The following TRMT5 variants were observed in gnomAD, a reference collection of about 807,000 sequenced individuals.
TRMT5 encodes the protein tRNA methyltransferase 5.
A neutral mutation model predicts 42.2 loss-of-function variants in TRMT5; 31 were observed. The observed-to-expected ratio is 0.73, with a 90% confidence interval of 0.55 to 0.99. The LOEUF (loss-of-function observed/expected upper bound fraction) is 0.99. TRMT5 is among the 50% of genes least tolerant of loss of function. TRMT5 has a pLI of 0.00. For missense variants in TRMT5, 568 were observed against 595.0 expected, an observed-to-expected ratio of 0.95 and a Z score of 0.47; for synonymous variants, 198 against 209.6, an observed-to-expected ratio of 0.94 and a Z score of 0.48.
Position 60,975,984 on chromosome 14 carries a change from A to G in TRMT5, c.935T>C (p.Phe312Ser). Residue 312 changes from phenylalanine to serine, a missense_variant, in exon 4 of 5, where the codon TTT becomes TCT. Coordinates refer to ENST00000261249, the MANE Select transcript of TRMT5 (RefSeq NM_020810.3). Reference protein sequence around the residue: ...LFDVFAGVGPFAIPVAKKNCT... With the variant: ...LFDVFAGVGPSAIPVAKKNCT... ...GTTTTTCTTTGCTACTGGAATGGCA[A>G]AGGGCCCAACCCCAGCAAAAACATC... The G allele has an allele frequency of 6.2e-7, 1 of 1,614,234 alleles. No homozygotes were observed. Among genetic ancestry groups the G allele is most frequent in the Non-Finnish European group, 8.5e-7 (1 of 1,180,036 alleles).
At position 60,977,644 on chromosome 14, in the gene TRMT5, AG is replaced by A. The variant is rs746703362; in HGVS notation, c.668-7del. The A allele has an allele frequency of 1.8e-5, 28 of 1,589,630 alleles. No homozygotes were observed. The highest frequency in any genetic ancestry group is 6.8e-5 in the African/African-American group (5 of 73,536). On this transcript the variant is annotated splice_region_variant and splice_polypyrimidine_tract_variant and intron_variant, in intron 2 of 4. Transcript: ENST00000261249. ...TTTGTCAATCATAACCTGGCCTAAA[AG>A]AAAAAATGAAAATCCATAATACTGC...
chr14:60,979,914 C>T (rs373049849), intron 1 of TRMT5, 28 bp from the exon 2 acceptor site: 682 of 1,421,596 alleles, frequency 4.8e-4, no homozygotes, highest in Non-Finnish European at 5.9e-4. Context: ...AAAATTCACA[C>T]ACGACAGCTT....
At position 60,979,438 on chromosome 14, in the gene TRMT5, C is replaced by T; in HGVS notation, c.460G>A (p.Ala154Thr). ...KIFTHDSFEKAELSVLEQLNV... is the reference protein window; with the variant it reads ...KIFTHDSFEKTELSVLEQLNV... Reference sequence around the variant, plus strand: ...AGCTGCTCTAAAACACTGAGTTCTGCTTTCTCAAAGGAATCATGAGTAAAT... The same window carrying T: ...AGCTGCTCTAAAACACTGAGTTCTGTTTTCTCAAAGGAATCATGAGTAAAT... The change falls in exon 2 of 5, where the codon GCA becomes ACA. Residue 154 changes from alanine (A) to threonine (T), a missense_variant. Transcript: ENST00000261249. 2.5e-6 allele frequency: 4 copies of T among 1,614,150 alleles called. No individual in the cohort carries two copies. The highest frequency in any genetic ancestry group is 3.4e-6 in the Non-Finnish European group (4 of 1,180,024).
rs369185885 is a variant in TRMT5, at chr14:60,977,525, T to C, written c.781A>G (p.Met261Val). The change falls in exon 3 of 5, where the codon ATG becomes GTG. Residue 261 changes from methionine (M) to valine (V), a missense_variant. Transcript: ENST00000261249. ...QMEVLSGEQN[M>V]MTKVRENNYT... ...ATAATAAAATATACCTTTGTCATCATGTTCTGCTCTCCAGATAGCACTTCC... is the reference window on the plus strand; with the variant it reads ...ATAATAAAATATACCTTTGTCATCACGTTCTGCTCTCCAGATAGCACTTCC... 6.3e-5 allele frequency: 101 copies of C among 1,607,728 alleles called. No homozygotes were observed. Among genetic ancestry groups the C allele is most frequent in the African/African-American group, 2.8e-4 (21 of 74,660 alleles).
At chr14:60,977,031 T>C (rs1323431741) in intron 3 of TRMT5, among the ~76,000 whole-genome samples, 1 of 152,120 alleles carries the variant, frequency 6.6e-6, no homozygotes, top group Non-Finnish European at 1.5e-5. Context: ...CCAATTTGTA[T>C]GTATATTTTT....
intron 3 of TRMT5, among the ~76,000 whole-genome samples, chr14:60,976,691 AT>A (rs1056335682): frequency 1.3e-5 from 2 of 152,152 alleles, no homozygotes; most frequent in Non-Finnish European, 2.9e-5. Flanking sequence ...AACTTTGCAA[AT>A]TTGATGTCTA....
At chr14:60,977,463 ACT>A (rs1387568949) in intron 3 of TRMT5, 49 bp downstream of exon 3, 1 of 1,538,458 alleles carries the variant, frequency 6.5e-7, no homozygotes, top group East Asian at 2.3e-5. Context: ...ATCTATTCTG[ACT>A]CTAAACATAA....
In TRMT5 at chr14:60,979,219, T is replaced by A. The variant is rs770484096; in HGVS notation, c.667+12A>T. Reference sequence around the variant, plus strand: ...CCCTTCAAATACATGAATATTACTATGACACACGTACCAATTAAATGTTTG... The same window carrying A: ...CCCTTCAAATACATGAATATTACTAAGACACACGTACCAATTAAATGTTTG... On this transcript the variant is annotated intron_variant, in intron 2 of 4. Transcript: ENST00000261249. 3.2e-6 allele frequency: 5 copies of A among 1,564,972 alleles called. No homozygotes were observed. The East Asian group carries it at 1.1e-4, about 35-fold the overall frequency.
chr14:60,977,378 C>T lies in TRMT5; in HGVS notation c.792+136G>A, dbSNP rs1211312209. ...AAAGGCTTTATCAGTGTTATTCCAT[C>T]AATAGCATACATAAGTGATCACATT... is the stretch of plus-strand genomic sequence containing the variant. On this transcript the variant is annotated intron_variant, in intron 3 of 4. Coordinates refer to ENST00000261249, the MANE Select transcript of TRMT5 (RefSeq NM_020810.3). The T allele has an allele frequency of 1.1e-5, 8 of 754,902 alleles. No homozygotes were observed. In the East Asian group the frequency reaches 2.4e-4, roughly 22 times the overall value. 46.8% of individuals were successfully genotyped at this position (754,902 alleles called of 1,614,324 possible). A position where few individuals can be genotyped will look rare whatever the true frequency, so the allele number is the denominator to read the frequency against.
rs202197070 is a variant in TRMT5, at chr14:60,979,781, T to C, written c.117A>G (p.Thr39=). The change falls in exon 2 of 5, where the codon ACA becomes ACG. Residue 39 remains threonine, a synonymous_variant. Coordinates refer to ENST00000261249, the MANE Select transcript of TRMT5 (RefSeq NM_020810.3). ...TACCAGGTGCTTCCAAAAGCATCTG[T>C]GTCAGGGATGTCCAAGCTACTGGAA... ...SLIPVAWTSL[T]QMLLEAPGIF... 3 of 1,613,914 alleles carry C rather than the reference T, an allele frequency of 1.9e-6. No homozygotes were observed. In the South Asian group the frequency reaches 3.3e-5, roughly 18 times the overall value.
At chr14:60,981,151 G>A, upstream of TRMT5, 1 of 1,542,230 alleles carries the variant, frequency 6.5e-7, no homozygotes, top group Non-Finnish European at 8.8e-7. Flanking sequence ...CTCCTTCCAG[G>A]CCCTGGTGAA....
At position 60,972,531 on chromosome 14, in the gene TRMT5, T is replaced by C; in HGVS notation, c.*2578A>G. 2.3e-6 allele frequency: 1 copy of C among 441,610 alleles called. No individual in the cohort carries two copies. Among genetic ancestry groups the C allele is most frequent in the Non-Finnish European group, 4.5e-6 (1 of 223,442 alleles). 27.4% of individuals were successfully genotyped at this position (441,610 alleles called of 1,614,324 possible). On this transcript the variant is annotated 3_prime_UTR_variant, in exon 5 of 5. Coordinates refer to ENST00000261249, the MANE Select transcript of TRMT5 (RefSeq NM_020810.3). Reference sequence around the variant, plus strand: ...GGACGCAGCAGCGCGCGGGCTTTGGTCGGTCCAGGGGTCGTTCTTGCCTCT... The same window carrying C: ...GGACGCAGCAGCGCGCGGGCTTTGGCCGGTCCAGGGGTCGTTCTTGCCTCT...
chr14:60,978,936 T>C (rs2036881498), intron 2 of TRMT5, among the ~76,000 whole-genome samples: 1 of 152,174 alleles, frequency 6.6e-6, no homozygotes, highest in African/African-American at 2.4e-5. Context: ...AAGTCTTGTG[T>C]ACCAAAAAGA....
chr14:60,977,691 G>T, intron 2 of TRMT5, 53 bp from the exon 3 acceptor site: 2 of 1,499,038 alleles, frequency 1.3e-6, no homozygotes, highest in Non-Finnish European at 1.8e-6. Flanking sequence ...CAAAATAAAA[G>T]CTAACATTGT....
rs2036782994 is a variant in TRMT5, at chr14:60,972,100, C to T, written c.*3009G>A. On this transcript the variant is annotated 3_prime_UTR_variant, in exon 5 of 5. Coordinates refer to ENST00000261249, the MANE Select transcript of TRMT5 (RefSeq NM_020810.3). ...TCTATTAGTGACACATACCCCTTCC[C>T]CCAAAAACAACAATGAAGTGTTCTG... The T allele has an allele frequency of 2.8e-6, 1 of 355,354 alleles. No homozygotes were observed. Among genetic ancestry groups the T allele is most frequent in the Non-Finnish European group, 5.4e-6 (1 of 183,508 alleles). 22.0% of individuals were successfully genotyped at this position (355,354 alleles called of 1,614,324 possible). A position where few individuals can be genotyped will look rare whatever the true frequency, so the allele number is the denominator to read the frequency against.
Position 60,975,474 on chromosome 14 carries a change from C to G in TRMT5, c.1444+1G>C. On this transcript the variant is annotated splice_donor_variant, in intron 4 of 4. Transcript: ENST00000261249. LOFTEE classifies it high-confidence loss of function. ...CATTTAATTTCCCAGAAACTGCTCA[C>G]CTGGATTTCTGGTCTGGTTCTTGTA... 1 of 1,604,718 alleles carries G rather than the reference C, an allele frequency of 6.2e-7. No individual in the cohort carries two copies.
At chr14:60,981,224 G>T, upstream of TRMT5, 1 of 1,556,102 alleles carries the variant, frequency 6.4e-7, no homozygotes, top group Non-Finnish European at 8.7e-7. Flanking sequence ...CGACTGGAGC[G>T]CAGGGCAGGG....
intron 4 of TRMT5, 93 bp downstream of exon 4, chr14:60,975,382 T>G: frequency 6.8e-7 from 1 of 1,470,272 alleles, no homozygotes; most frequent in South Asian, 1.3e-5. Context: ...TCTATTAGAC[T>G]GAACTAATAC....
chr14:60,978,407 A>G (rs1462661199), intron 2 of TRMT5, among the ~76,000 whole-genome samples: 1 of 152,230 alleles, frequency 6.6e-6, no homozygotes, highest in Non-Finnish European at 1.5e-5. Flanking sequence ...TTAATATAGT[A>G]TCAATAAACG....
Sources: gnomAD v4.1 joint callset for allele counts (sites outside exome capture counted in the v4.1 genomes callset) on GRCh38, gnomAD v4.1.1 for gene constraint, MANE v1.5 for transcripts, NCBI Gene and HGNC (gene_info 2026-07-23, HGNC 2026-07-21) for gene names.